NOVA1: variants seen among roughly 807,000 people sequenced by gnomAD.
The protein encoded by NOVA1 is RNA-binding protein Nova-1.
Under a neutral mutation model 38.0 loss-of-function variants are expected in NOVA1, and 7 were observed. The ratio of observed to expected loss-of-function variants is 0.18; its 90% CI spans 0.10 to 0.35. The LOEUF is 0.35. Among genes scored for constraint, NOVA1 ranks in the 10% least tolerant of loss-of-function variants. The probability of loss-of-function intolerance (pLI) is 1.00; values close to 1 mark genes in which losing one functional copy is unlikely to be tolerated. For synonymous variants in NOVA1, 270 were observed against 232.5 expected, an observed-to-expected ratio of 1.16 and a Z score of -1.47; for missense variants, 460 against 616.0, an observed-to-expected ratio of 0.75 and a Z score of 2.68.
chr14:26,555,410 T>C (rs1432335042), intron 2 of NOVA1, among the ~76,000 whole-genome samples: 1 of 152,168 alleles, frequency 6.6e-6, no homozygotes, highest in African/African-American at 2.4e-5. Flanking sequence ...TTTATAACTG[T>C]TCATGTAATG....
chr14:26,489,429 G>A (rs1437059922), intron 2 of NOVA1, among the ~76,000 whole-genome samples: 1 of 151,822 alleles, frequency 6.6e-6, no homozygotes, highest in Non-Finnish European at 1.5e-5. Flanking sequence ...AACTTGGTGG[G>A]AGAAGTAATA....
chr14:26,479,873 G>GT, intron 3 of NOVA1, 104 bp downstream of exon 3: 1 of 1,229,240 alleles, frequency 8.1e-7, no homozygotes, highest in Non-Finnish European at 1.1e-6. Context: ...TGTTTTATGT[G>GT]TGCTTAAAAT....
At chr14:26,497,894 T>C (rs992200896) in intron 2 of NOVA1, among the ~76,000 whole-genome samples, 1 of 152,226 alleles carries the variant, frequency 6.6e-6, no homozygotes, top group African/African-American at 2.4e-5. Flanking sequence ...ACTAGAATGC[T>C]AGTAACTATA....
intron 3 of NOVA1, chr14:26,479,753 T>C (rs919491728): frequency 6.4e-5 from 27 of 424,664 alleles, no homozygotes; most frequent in Non-Finnish European, 1.0e-4. Context: ...ACATAAGTGC[T>C]CCTCAATGTA....
chr14:26,478,048 C>A (rs1215863420), intron 3 of NOVA1, among the ~76,000 whole-genome samples: 2 of 151,882 alleles, frequency 1.3e-5, no homozygotes, highest in Non-Finnish European at 2.9e-5. Context: ...TGAATACCTA[C>A]AAGTCTTACA....
At chr14:26,549,231 C>T (rs1357322136) in intron 2 of NOVA1, 1 of 151,740 alleles carries the variant, frequency 6.6e-6, no homozygotes, top group Non-Finnish European at 1.5e-5. Context: ...ACTAGTTCAT[C>T]ATAAACTGGC....
intron 2 of NOVA1, among the ~76,000 whole-genome samples, chr14:26,488,889 AGG>A (rs1886121618): frequency 6.6e-6 from 1 of 152,180 alleles, no homozygotes; most frequent in Admixed American, 6.5e-5. Context: ...ATGTATTAAT[AGG>A]AATTCACTTT....
Sources: gnomAD v4.1 joint callset for allele counts (sites outside exome capture counted in the v4.1 genomes callset) on GRCh38, gnomAD v4.1.1 for gene constraint, MANE v1.5 for transcripts, NCBI Gene and HGNC (gene_info 2026-07-23, HGNC 2026-07-21) for gene names.